The following IL1R1 variants were observed in gnomAD, a reference collection of about 807,000 sequenced individuals.
The protein encoded by IL1R1 is interleukin 1 receptor type 1, also known as interleukin-1 receptor type 1.
A neutral mutation model predicts 50.2 loss-of-function variants in IL1R1; 22 were observed. The ratio of observed to expected loss-of-function variants is 0.44; its 90% CI spans 0.31 to 0.63. The LOEUF is 0.63. Among genes scored for constraint, IL1R1 ranks in the 20% least tolerant of loss-of-function variants. The probability of loss-of-function intolerance (pLI) is 0.07; values close to 1 mark genes in which losing one functional copy is unlikely to be tolerated. For missense variants in IL1R1, 509 were observed against 676.2 expected (o/e 0.75, Z 2.74); for synonymous variants, 251 against 236.7 (o/e 1.06, Z -0.55).
intron 1 of IL1R1, among the ~76,000 whole-genome samples, chr2:102,082,922 T>C (rs528899542): frequency 4.3e-4 from 65 of 152,290 alleles, no homozygotes; most frequent in African/African-American, 1.3e-3. Flanking sequence ...GAAGAACAAC[T>C]TCCTCTCAGG....
chr2:102,091,620 C>A (rs750624542), intron 1 of IL1R1, among the ~76,000 whole-genome samples: 2 of 152,112 alleles, frequency 1.3e-5, no homozygotes, highest in Non-Finnish European at 2.9e-5. Context: ...CATTTTTATA[C>A]GTTGGGAATA....
intron 1 of IL1R1, among the ~76,000 whole-genome samples, chr2:102,078,037 A>C (rs189097234): frequency 6.6e-5 from 10 of 152,332 alleles, no homozygotes; most frequent in African/African-American, 2.2e-4. Flanking sequence ...AAATGAAAGC[A>C]CAATACACCA....
chr2:102,174,848 A>G, intron 10 of IL1R1, 118 bp downstream of exon 10: 1 of 713,092 alleles, frequency 1.4e-6, no homozygotes. Flanking sequence ...AGTGGCATAT[A>G]CAAGAATACT....
intron 1 of IL1R1, among the ~76,000 whole-genome samples, chr2:102,130,375 G>A (rs1022717354): frequency 1.3e-5 from 2 of 152,156 alleles, no homozygotes; most frequent in Admixed American, 6.5e-5. Context: ...AATTGCTAAT[G>A]ATTCTTCTTG....
chr2:102,140,498 G>A (rs1463688837), upstream of IL1R1, among the ~76,000 whole-genome samples: 1 of 152,208 alleles, frequency 6.6e-6, no homozygotes, highest in Non-Finnish European at 1.5e-5. Context: ...GGCTAACAAT[G>A]CTATTTCTGT....
intron 1 of IL1R1, among the ~76,000 whole-genome samples, chr2:102,072,335 G>A (rs924425135): frequency 2.0e-5 from 3 of 151,830 alleles, no homozygotes; most frequent in Non-Finnish European, 4.4e-5. Flanking sequence ...TATCTGTTTA[G>A]GATAAACTAG....
chr2:102,150,897 A>T (rs544220053), intron 1 of IL1R1, among the ~76,000 whole-genome samples: 10 of 152,288 alleles, frequency 6.6e-5, no homozygotes, highest in African/African-American at 2.4e-4. Flanking sequence ...ACCGTATGCT[A>T]TGGCTTATTA....
At chr2:102,126,438 A>G (rs1384570458) in intron 1 of IL1R1, among the ~76,000 whole-genome samples, 1 of 152,238 alleles carries the variant, frequency 6.6e-6, no homozygotes, top group Non-Finnish European at 1.5e-5. Flanking sequence ...AATCAAGTTT[A>G]ACTTGTCCTC....
intron 1 of IL1R1, among the ~76,000 whole-genome samples, chr2:102,116,535 G>A (rs1681081340): frequency 6.6e-6 from 1 of 152,060 alleles, no homozygotes; most frequent in South Asian, 2.1e-4. Context: ...CATGTATTCC[G>A]ATAATTTTAT....
chr2:102,118,553 G>T (rs1055296559), intron 1 of IL1R1, among the ~76,000 whole-genome samples: 1 of 152,132 alleles, frequency 6.6e-6, no homozygotes, highest in Non-Finnish European at 1.5e-5. Flanking sequence ...GAAATGGGGG[G>T]CAGTCTTGTG....
intron 1 of IL1R1, among the ~76,000 whole-genome samples, chr2:102,127,657 C>CTGTGTGTGTGTGTGTG (rs60587758): frequency 2.1e-5 from 3 of 144,844 alleles, no homozygotes; most frequent in Non-Finnish European, 4.6e-5. Context: ...GTGTGTGTGA[C>CTGTGTGTGTGTGTGTG]TGTGTGTGTG....
chr2:102,160,829 C>G (rs1238476757), intron 3 of IL1R1, among the ~76,000 whole-genome samples: 2 of 152,202 alleles, frequency 1.3e-5, no homozygotes, highest in Admixed American at 6.5e-5. Flanking sequence ...CCTCCTAACC[C>G]AATCTGGTGA....
chr2:102,141,950 T>C (rs1034501316), upstream of IL1R1: 7 of 152,246 alleles, frequency 4.6e-5, no homozygotes, highest in Non-Finnish European at 1.0e-4. Flanking sequence ...GTTCGCTGCA[T>C]GACCTTGGCC....
chr2:102,131,828 A>G (rs1682049377), intron 1 of IL1R1, among the ~76,000 whole-genome samples: 1 of 152,202 alleles, frequency 6.6e-6, no homozygotes, highest in African/African-American at 2.4e-5. Context: ...ACTGAAAATT[A>G]CAAACCCACA....
upstream of IL1R1, chr2:102,142,682 C>T (rs1056201961): frequency 1.3e-5 from 2 of 151,662 alleles, no homozygotes; most frequent in Non-Finnish European, 2.9e-5. Flanking sequence ...CTGGCCCAGC[C>T]GAGCCGTCTC....
intron 1 of IL1R1, among the ~76,000 whole-genome samples, chr2:102,112,773 T>C (rs1577874395): frequency 2.0e-5 from 3 of 152,330 alleles, no homozygotes; most frequent in African/African-American, 7.2e-5. Flanking sequence ...TCTGTGTACA[T>C]AGATTGAATG....
intron 1 of IL1R1, among the ~76,000 whole-genome samples, chr2:102,144,142 T>C (rs1485649371): frequency 1.3e-5 from 2 of 152,242 alleles, no homozygotes; most frequent in Non-Finnish European, 2.9e-5. Flanking sequence ...CCTTCTAATT[T>C]ATTGTGTGAT....
chr2:102,174,569 T>G lies in IL1R1; in HGVS notation c.992-18T>G, dbSNP rs1685950807. ...TGGTTCTAATATTTTTTCTCCTTTT[T>G]TTTTCTTTTTGCTATAGTCACTAAT... On this transcript the variant is annotated intron_variant, in intron 9 of 11. Transcript: ENST00000410023. 1 of 1,536,660 alleles carries G rather than the reference T, an allele frequency of 6.5e-7. No homozygotes were observed.
At chr2:102,108,652 A>T (rs1055947677) in intron 1 of IL1R1, among the ~76,000 whole-genome samples, 47 of 152,018 alleles carry the variant, frequency 3.1e-4, no homozygotes, top group African/African-American at 1.1e-3. Flanking sequence ...AAAAAACCTA[A>T]ATGGAGCTTT....
Sources: allele counts gnomAD v4.1 joint callset (sites outside exome capture counted in the v4.1 genomes callset), GRCh38; gene constraint gnomAD v4.1.1; transcripts MANE v1.5; gene names NCBI Gene and HGNC (gene_info 2026-07-23, HGNC 2026-07-21).